SIL1: variants seen among roughly 807,000 people sequenced by gnomAD.
SIL1 encodes the protein nucleotide exchange factor SIL1.
SIL1 carries 40 observed loss-of-function variants against 49.1 expected under a neutral mutation model. The observed-to-expected ratio is 0.81, with a 90% CI of 0.63 to 1.06. SIL1 has a LOEUF of 1.06. Among genes scored for constraint, SIL1 ranks in the 50% least tolerant of loss-of-function variants. The pLI, the probability that SIL1 is intolerant of heterozygous loss-of-function variation, is 0.00. For missense variants in SIL1, 500 were observed against 572.6 expected, an observed-to-expected ratio of 0.87 and a Z score of 1.29; for synonymous variants, 253 against 250.8, an observed-to-expected ratio of 1.01 and a Z score of -0.08.
chr5:139,080,214 G>T (rs1770043445), intron 3 of SIL1, among the ~76,000 whole-genome samples: 1 of 152,258 alleles, frequency 6.6e-6, no homozygotes, highest in Non-Finnish European at 1.5e-5. Flanking sequence ...AAATCATTAG[G>T]TTTTTTAATT....
intron 7 of SIL1, among the ~76,000 whole-genome samples, chr5:138,970,965 G>GAC (rs1561810206): frequency 6.6e-6 from 1 of 151,852 alleles, no homozygotes; most frequent in African/African-American, 2.4e-5. Context: ...CTGCTTGTGT[G>GAC]ACACACACAC....
chr5:139,145,882 G>C (rs1312027960), intron 1 of SIL1, among the ~76,000 whole-genome samples: 1 of 151,074 alleles, frequency 6.6e-6, no homozygotes, highest in African/African-American at 2.4e-5. Flanking sequence ...AACACAGAGA[G>C]ACCTCTATCT....
At chr5:139,027,435 T>C (rs1052122474) in intron 5 of SIL1, among the ~76,000 whole-genome samples, 1 of 152,186 alleles carries the variant, frequency 6.6e-6, no homozygotes, top group Non-Finnish European at 1.5e-5. Flanking sequence ...TCCAACAACA[T>C]TTTAGGGAAA....
chr5:138,997,118 A>AG (rs1389882395), intron 7 of SIL1, among the ~76,000 whole-genome samples: 2 of 151,884 alleles, frequency 1.3e-5, no homozygotes, highest in African/African-American at 4.8e-5. Context: ...TTTATAGAGA[A>AG]GGGGTCTCAC....
chr5:139,055,133 G>C (rs1462983098), intron 3 of SIL1, among the ~76,000 whole-genome samples: 2 of 152,270 alleles, frequency 1.3e-5, no homozygotes, highest in East Asian at 3.9e-4. Flanking sequence ...GGCCTGCAAA[G>C]CCTACAGTGT....
At chr5:139,067,700 G>A (rs1436586157) in intron 3 of SIL1, among the ~76,000 whole-genome samples, 3 of 152,092 alleles carry the variant, frequency 2.0e-5, no homozygotes, top group Non-Finnish European at 4.4e-5. Flanking sequence ...AGAGCCTCTG[G>A]GCCAATAATG....
intron 1 of SIL1, among the ~76,000 whole-genome samples, chr5:139,137,907 G>GCA (rs1218063636): frequency 2.7e-5 from 4 of 149,876 alleles, no homozygotes; most frequent in African/African-American, 7.4e-5. Flanking sequence ...ACACACACGC[G>GCA]CACACACACA....
chr5:139,052,882 T>G (rs951209622), intron 3 of SIL1, among the ~76,000 whole-genome samples: 2 of 151,984 alleles, frequency 1.3e-5, no homozygotes, highest in African/African-American at 4.8e-5. Flanking sequence ...GCCACAGAAC[T>G]AACTGGAAGG....
At chr5:138,981,838 T>G (rs1767532973) in intron 7 of SIL1, among the ~76,000 whole-genome samples, 1 of 151,316 alleles carries the variant, frequency 6.6e-6, no homozygotes, top group Middle Eastern at 3.2e-3. Flanking sequence ...TCTCTTTTTT[T>G]TTTCTCTCTC....
At chr5:139,031,736 AGT>A (rs1228240339) in intron 5 of SIL1, among the ~76,000 whole-genome samples, 1 of 152,226 alleles carries the variant, frequency 6.6e-6, no homozygotes, top group Non-Finnish European at 1.5e-5. Flanking sequence ...CCATGGACAC[AGT>A]GTGTCACTCC....
intron 3 of SIL1, among the ~76,000 whole-genome samples, chr5:139,058,549 T>G (rs1157864021): frequency 1.3e-5 from 2 of 152,152 alleles, no homozygotes; most frequent in African/African-American, 4.8e-5. Context: ...AAGAAAAAAT[T>G]GTCACTCCTC....
chr5:139,174,491 A>AAG (rs1751838443), intron 1 of SIL1, among the ~76,000 whole-genome samples: 1 of 152,028 alleles, frequency 6.6e-6, no homozygotes, highest in Non-Finnish European at 1.5e-5. Context: ...AAAAAGGAAA[A>AAG]AGAGAGAGAG....
At chr5:138,954,172 C>A (rs776602387) in intron 7 of SIL1, among the ~76,000 whole-genome samples, 2 of 152,236 alleles carry the variant, frequency 1.3e-5, no homozygotes, top group Non-Finnish European at 2.9e-5. Flanking sequence ...CTCTTCCCAC[C>A]CCATTTAGAG....
intron 7 of SIL1, among the ~76,000 whole-genome samples, chr5:138,977,220 C>T (rs980341993): frequency 6.6e-6 from 1 of 152,174 alleles, no homozygotes; most frequent in African/African-American, 2.4e-5. Flanking sequence ...AGAGTAGCCA[C>T]AAACATGGAG....
chr5:138,964,483 C>T (rs372930200), intron 7 of SIL1, among the ~76,000 whole-genome samples: 1 of 152,130 alleles, frequency 6.6e-6, no homozygotes, highest in African/African-American at 2.4e-5. Flanking sequence ...GTATGTACTG[C>T]CCAACTGAAG....
intron 1 of SIL1, among the ~76,000 whole-genome samples, chr5:139,132,336 A>C (rs942639451): frequency 1.3e-5 from 2 of 152,172 alleles, no homozygotes; most frequent in African/African-American, 4.8e-5. Context: ...CAGGGCTCCC[A>C]GCCATCTCTG....
At chr5:139,109,846 G>A (rs1770804544) in intron 3 of SIL1, among the ~76,000 whole-genome samples, 1 of 147,616 alleles carries the variant, frequency 6.8e-6, no homozygotes, top group Non-Finnish European at 1.5e-5. Context: ...TTGGTCATGA[G>A]ATACTAGACA....
intron 5 of SIL1, among the ~76,000 whole-genome samples, chr5:139,041,823 A>C (rs374301854): frequency 7.5e-4 from 114 of 151,780 alleles, no homozygotes; most frequent in South Asian, 2.1e-3. Context: ...AAAAACAAAA[A>C]AAAAAAAAAA....
At chr5:138,950,249 T>G (rs922951646) in intron 9 of SIL1, among the ~76,000 whole-genome samples, 1 of 152,250 alleles carries the variant, frequency 6.6e-6, no homozygotes, top group Admixed American at 6.5e-5. Context: ...GAACCTGAAC[T>G]GTGCCCAGGC....
Sources: allele counts gnomAD v4.1 joint callset (sites outside exome capture counted in the v4.1 genomes callset), GRCh38; gene constraint gnomAD v4.1.1; transcripts MANE v1.5; gene names NCBI Gene and HGNC (gene_info 2026-07-23, HGNC 2026-07-21).